The following CDS1 variants were observed in gnomAD, a reference collection of about 807,000 sequenced individuals.
CDS1 encodes the protein phosphatidate cytidylyltransferase 1.
Under a neutral mutation model 62.1 loss-of-function variants are expected in CDS1, and 41 were observed. That is an observed-to-expected ratio of 0.66 (90% CI 0.51 to 0.86). CDS1 has a LOEUF of 0.86. CDS1 is among the 40% of genes least tolerant of loss of function. The pLI, the probability that CDS1 is intolerant of heterozygous loss-of-function variation, is 0.00. For synonymous variants in CDS1, 185 were observed against 192.6 expected (o/e 0.96, Z 0.32); for missense variants, 470 against 550.1 (o/e 0.85, Z 1.46).
At chr4:84,630,157 A>G (rs377339642) in intron 5 of CDS1, among the ~76,000 whole-genome samples, 1 of 152,224 alleles carries the variant, frequency 6.6e-6, no homozygotes, top group Non-Finnish European at 1.5e-5. Flanking sequence ...TACCTGCTGT[A>G]GAAGAAAAAC....
chr4:84,638,934 A>T lies in CDS1; in HGVS notation c.821A>T (p.Lys274Ile). 1 of 1,550,434 alleles carries T rather than the reference A, an allele frequency of 6.4e-7. No homozygotes were observed. Among genetic ancestry groups the T allele is most frequent in the Non-Finnish European group, 8.7e-7 (1 of 1,148,982 alleles). ...GRTPLIKLSPKKTWEGFIGGF... is the reference protein window; with the variant it reads ...GRTPLIKLSPIKTWEGFIGGF... The stretch of plus-strand genomic sequence containing the variant: ...TTTGCCCTTTTTTAGTTGTCTCCTA[A>T]AAAGACTTGGGAAGGATTCATTGGT... The change falls in exon 9 of 13, where the codon AAA (lysine) becomes ATA (isoleucine). Residue 274 changes from lysine (K) to isoleucine (I), a missense_variant. Lys to Ile is a moderately radical substitution (Grantham distance 102, BLOSUM62 -3). Around this residue, in one of 5 missense-constraint regions of CDS1, gnomAD observed 214 missense variants for 242.4 expected, o/e 0.88. Coordinates refer to ENST00000295887, the MANE Select transcript of CDS1 (RefSeq NM_001263.4).
intron 1 of CDS1, among the ~76,000 whole-genome samples, chr4:84,586,484 A>C (rs572415165): frequency 1.3e-5 from 2 of 152,128 alleles, no homozygotes; most frequent in Non-Finnish European, 2.9e-5. Context: ...GCAGTTCACA[A>C]CAGGGTTCAA....
chr4:84,644,960 A>G (rs1442542256), intron 11 of CDS1, among the ~76,000 whole-genome samples: 2 of 152,218 alleles, frequency 1.3e-5, no homozygotes, highest in Non-Finnish European at 1.5e-5. Context: ...TATTAACGAA[A>G]AAAAGTAAGT....
At chr4:84,647,458 G>A (rs1040075160) in intron 12 of CDS1, among the ~76,000 whole-genome samples, 12 of 152,190 alleles carry the variant, frequency 7.9e-5, no homozygotes, top group African/African-American at 2.4e-4. Flanking sequence ...ACTGTTAGAA[G>A]ACACTGAGAG....
chr4:84,637,818 T>C (rs1320447606), intron 8 of CDS1, among the ~76,000 whole-genome samples: 1 of 152,212 alleles, frequency 6.6e-6, no homozygotes, highest in East Asian at 1.9e-4. Flanking sequence ...TGATAAGCTA[T>C]CTTTACAATA....
At chr4:84,623,732 C>A (rs1371488299) in intron 5 of CDS1, among the ~76,000 whole-genome samples, 1 of 152,166 alleles carries the variant, frequency 6.6e-6, no homozygotes, top group Non-Finnish European at 1.5e-5. Flanking sequence ...CACAGTCCTG[C>A]GGATTGGCGG....
chr4:84,643,282 A>G, intron 11 of CDS1, 139 bp downstream of exon 11: 1 of 691,536 alleles, frequency 1.4e-6, no homozygotes, highest in Non-Finnish European at 2.4e-6. Flanking sequence ...ACCCCACAGA[A>G]ATGCTGCCAC....
chr4:84,610,973 T>C (rs1723302291), intron 3 of CDS1, among the ~76,000 whole-genome samples: 2 of 152,126 alleles, frequency 1.3e-5, no homozygotes, highest in African/African-American at 4.8e-5. Context: ...CAAACTACAA[T>C]AAGCATTTGA....
Position 84,640,854 on chromosome 4 carries a change from C to G in CDS1, c.896C>G (p.Ser299Cys), listed in dbSNP as rs780917470. The G allele has an allele frequency of 6.3e-7, 1 of 1,593,488 alleles. No homozygotes were observed. The highest frequency in any genetic ancestry group is 1.1e-5 in the South Asian group (1 of 87,442). ...VFGFIAAYVL[S>C]KYQYFVCPVE... ...TAATATCAGGCTGCCTATGTGTTATCCAAATACCAGTACTTTGTCTGCCCA... is the reference window on the plus strand; with the variant it reads ...TAATATCAGGCTGCCTATGTGTTATGCAAATACCAGTACTTTGTCTGCCCA... Residue 299 changes from serine (S) to cysteine (C), a missense_variant, in exon 10 of 13, where the codon TCC becomes TGC. Physicochemically the swap from Ser to Cys is moderately radical, Grantham distance 112. Around this residue, in one of 5 missense-constraint regions of CDS1, gnomAD observed 214 missense variants for 242.4 expected, o/e 0.88. Transcript: ENST00000295887.
chr4:84,594,903 G>A (rs559794263), intron 1 of CDS1, among the ~76,000 whole-genome samples: 1 of 152,104 alleles, frequency 6.6e-6, no homozygotes, highest in Admixed American at 6.5e-5. Flanking sequence ...TTTTTTTGTA[G>A]AGATGGGGTC....
intron 1 of CDS1, among the ~76,000 whole-genome samples, chr4:84,584,446 T>G (rs1722354884): frequency 6.6e-6 from 1 of 152,242 alleles, no homozygotes; most frequent in African/African-American, 2.4e-5. Context: ...GAAGCATACT[T>G]TGGAAGCAGG....
chr4:84,651,019 C>T lies in CDS1; in HGVS notation c.*2333C>T, dbSNP rs959685398. 1 of 152,142 alleles carries T rather than the reference C, an allele frequency of 6.6e-6. No individual in the cohort carries two copies. The highest frequency in any genetic ancestry group is 1.5e-5 in the Non-Finnish European group (1 of 68,040). 9.4% of individuals were successfully genotyped at this position (152,142 alleles called of 1,614,324 possible). On this transcript the variant is annotated 3_prime_UTR_variant, in exon 13 of 13. Transcript: ENST00000295887. ...TCCAAATTTGCTATATTTGGAGGTG[C>T]TCTACTGGTACTTCCTGCTTGACTC...
chr4:84,635,209 C>A (rs1322846598), intron 7 of CDS1, 55 bp from the exon 8 acceptor site: 2 of 826,876 alleles, frequency 2.4e-6, no homozygotes, highest in South Asian at 1.5e-5. Flanking sequence ...GAATATCTGC[C>A]ACTTACTCAG....
At chr4:84,614,703 A>G (rs933963183) in intron 3 of CDS1, among the ~76,000 whole-genome samples, 6 of 152,194 alleles carry the variant, frequency 3.9e-5, no homozygotes, top group Admixed American at 1.3e-4. Flanking sequence ...TCTCTATGCA[A>G]AGCATTTTAT....
At chr4:84,586,676 G>A (rs866521358) in intron 1 of CDS1, among the ~76,000 whole-genome samples, 2 of 152,220 alleles carry the variant, frequency 1.3e-5, no homozygotes, top group Non-Finnish European at 2.9e-5. Flanking sequence ...TGTGGCCTGG[G>A]GGTTGGGGAC....
chr4:84,619,024 C>G (rs1010099831), intron 4 of CDS1, among the ~76,000 whole-genome samples: 1 of 149,246 alleles, frequency 6.7e-6, no homozygotes, highest in African/African-American at 2.5e-5. Context: ...ATTATACATA[C>G]ACACAAAGTA....
At chr4:84,628,410 A>G (rs1271259079) in intron 5 of CDS1, among the ~76,000 whole-genome samples, 1 of 152,128 alleles carries the variant, frequency 6.6e-6, no homozygotes, top group Non-Finnish European at 1.5e-5. Flanking sequence ...TGCTTGATAA[A>G]TATTTTTTTA....
Position 84,629,772 on chromosome 4 carries a change from C to T in CDS1, c.581-2047C>T, listed in dbSNP as rs144889214. 1.9e-3 allele frequency among the ~76,000 whole-genome samples: 282 copies of T among 152,162 alleles called. 3 individuals carry two copies. Among genetic ancestry groups the T allele is most frequent in the African/African-American group, 6.1e-3 (255 of 41,504 alleles). On this transcript the variant is annotated intron_variant, in intron 5 of 12. Transcript: ENST00000295887. The stretch of plus-strand genomic sequence containing the variant: ...CATAGGTGAAATTGGATTATGTAAA[C>T]GTGAGTTGCCAAGGTTGTCCTGGAT...
chr4:84,642,678 A>T (rs570557989), intron 10 of CDS1, among the ~76,000 whole-genome samples: 40 of 152,314 alleles, frequency 2.6e-4, no homozygotes, highest in African/African-American at 8.4e-4. Context: ...TACAGCAACA[A>T]AGCATTACTA....
Sources: allele counts gnomAD v4.1 joint callset (sites outside exome capture counted in the v4.1 genomes callset), GRCh38; gene constraint gnomAD v4.1.1; regional missense constraint gnomAD v4.1.1; transcripts MANE v1.5; gene names NCBI Gene and HGNC (gene_info 2026-07-23, HGNC 2026-07-21).